Variants in KALRN observed in about 807,000 individuals in gnomAD.
The protein encoded by KALRN is kalirin RhoGEF kinase.
KALRN carries 70 observed loss-of-function variants against 353.7 expected under a neutral mutation model. That is an observed-to-expected ratio of 0.20 (90% CI 0.16 to 0.24). KALRN has a LOEUF of 0.24. Among genes scored for constraint, KALRN ranks in the 10% least tolerant of loss-of-function variants. The probability of loss-of-function intolerance (pLI) is 1.00; values close to 1 mark genes in which losing one functional copy is unlikely to be tolerated. For synonymous variants in KALRN, 1,391 were observed against 1,434.8 expected, an observed-to-expected ratio of 0.97 and a Z score of 0.69; for missense variants, 2,791 against 3,756.7, an observed-to-expected ratio of 0.74 and a Z score of 6.72.
At chr3:124,218,835 G>A (rs557163982) in intron 1 of KALRN, among the ~76,000 whole-genome samples, 31 of 152,286 alleles carry the variant, frequency 2.0e-4, no homozygotes, top group Middle Eastern at 6.8e-3. Flanking sequence ...TTAGAGAGGC[G>A]TTACCCATAT....
chr3:124,353,229 T>G lies in KALRN; in HGVS notation c.1770+5964T>G, dbSNP rs2149607944. 2.0e-5 allele frequency among the ~76,000 whole-genome samples: 3 copies of G among 152,210 alleles called. No homozygotes were observed. The South Asian group carries it at 6.2e-4, about 32-fold the overall frequency. On this transcript the variant is annotated intron_variant, in intron 10 of 59. Coordinates refer to ENST00000682506, the MANE Select transcript of KALRN (RefSeq NM_001388419.1). ...ATAGAAGGAAGGCATTTTAGTGGAT[T>G]TATCAGTGACCTTGCCCACCGAAGA...
intron 43 of KALRN, among the ~76,000 whole-genome samples, chr3:124,659,762 A>G (rs2084581062): frequency 6.6e-6 from 1 of 152,070 alleles, no homozygotes; most frequent in Non-Finnish European, 1.5e-5. Context: ...TTAAAAAATA[A>G]GAAGAATATG....
chr3:124,192,629 C>T (rs2075046180), intron 1 of KALRN, among the ~76,000 whole-genome samples: 1 of 152,102 alleles, frequency 6.6e-6, no homozygotes, highest in South Asian at 2.1e-4. Flanking sequence ...AAACATCTCA[C>T]ATACCCTGTA....
intron 33 of KALRN, among the ~76,000 whole-genome samples, chr3:124,542,276 G>A (rs978937549): frequency 6.6e-6 from 1 of 152,134 alleles, no homozygotes; most frequent in African/African-American, 2.4e-5. Flanking sequence ...AAGAGTTTGT[G>A]GTTCAGTTTT....
intron 11 of KALRN, among the ~76,000 whole-genome samples, chr3:124,386,363 T>C (rs1196413958): frequency 6.6e-6 from 1 of 152,148 alleles, no homozygotes; most frequent in Admixed American, 6.5e-5. Context: ...GAATGGAGTA[T>C]GAATGAACAG....
Position 124,671,692 on chromosome 3 carries a change from G to T in KALRN, c.6736G>T (p.Glu2246Ter). 1.2e-6 allele frequency: 2 copies of T among 1,614,120 alleles called. No individual in the cohort carries two copies. The highest frequency in any genetic ancestry group is 1.7e-6 in the Non-Finnish European group (2 of 1,179,986). ...LQSPIEYQRK[E>*]RSTAVMRSQP... Reference sequence around the variant, plus strand: ...ATCGCCCATTGAGTATCAACGGAAAGAAAGGAGCACAGCTGTGATGAGGTC... The same window carrying T: ...ATCGCCCATTGAGTATCAACGGAAATAAAGGAGCACAGCTGTGATGAGGTC... The change falls in exon 48 of 60, where the codon GAA becomes TAA. Residue 2246 changes from glutamate to a stop codon, truncating the protein, a stop_gained. Transcript: ENST00000682506. LOFTEE classifies it high-confidence loss of function.
chr3:124,576,663 C>T (rs1039462278), intron 34 of KALRN, among the ~76,000 whole-genome samples: 2 of 152,174 alleles, frequency 1.3e-5, no homozygotes, highest in East Asian at 1.9e-4. Context: ...AATAAACTCA[C>T]CTGAGTTACA....
chr3:124,507,105 G>C (rs770045190), intron 33 of KALRN, among the ~76,000 whole-genome samples: 1 of 152,082 alleles, frequency 6.6e-6, no homozygotes, highest in Non-Finnish European at 1.5e-5. Flanking sequence ...AATTCTTCTT[G>C]AAAAAGGATT....
At chr3:124,431,329 C>T (rs2093266456) in intron 16 of KALRN, among the ~76,000 whole-genome samples, 1 of 152,196 alleles carries the variant, frequency 6.6e-6, no homozygotes, top group Admixed American at 6.5e-5. Flanking sequence ...GCTGGTAGAA[C>T]AGTATTTAAA....
At chr3:124,298,533 T>C (rs1267748537) in intron 5 of KALRN, among the ~76,000 whole-genome samples, 1 of 152,102 alleles carries the variant, frequency 6.6e-6, no homozygotes, top group Admixed American at 6.5e-5. Flanking sequence ...CTCCCAATTA[T>C]CTCACTCATT....
intron 47 of KALRN, 66 bp from the exon 48 acceptor site, chr3:124,671,594 T>C: frequency 8.8e-7 from 1 of 1,134,822 alleles, no homozygotes; most frequent in Non-Finnish European, 1.3e-6. Context: ...GCCTTGGACC[T>C]AAGAGGCCTC....
At chr3:124,247,590 C>T (rs1460975221) in intron 3 of KALRN, among the ~76,000 whole-genome samples, 1 of 152,120 alleles carries the variant, frequency 6.6e-6, no homozygotes, top group Non-Finnish European at 1.5e-5. Flanking sequence ...TTGGTTTTGC[C>T]TTCATCTTTG....
intron 33 of KALRN, among the ~76,000 whole-genome samples, chr3:124,559,316 A>G (rs2071654326): frequency 6.6e-6 from 1 of 152,144 alleles, no homozygotes; most frequent in Admixed American, 6.5e-5. Context: ...GAAAGGAGAG[A>G]GACTGGGAAA....
intron 25 of KALRN, among the ~76,000 whole-genome samples, chr3:124,467,583 C>A (rs887664557): frequency 6.6e-6 from 1 of 152,072 alleles, no homozygotes; most frequent in African/African-American, 2.4e-5. Context: ...AAAGGCCCTG[C>A]AAGGGAGAAA....
At chr3:124,428,969 G>A (rs990189276) in intron 15 of KALRN, among the ~76,000 whole-genome samples, 5 of 152,302 alleles carry the variant, frequency 3.3e-5, no homozygotes, top group African/African-American at 9.6e-5. Context: ...CAAACAAAAT[G>A]CAGTGAATCA....
At chr3:124,594,249 CAG>C (rs1162627766) in intron 34 of KALRN, among the ~76,000 whole-genome samples, 1 of 152,132 alleles carries the variant, frequency 6.6e-6, no homozygotes, top group Non-Finnish European at 1.5e-5. Flanking sequence ...TTTTTGGAGA[CAG>C]AGTCTCGCTC....
intron 33 of KALRN, among the ~76,000 whole-genome samples, chr3:124,517,822 C>T (rs562840160): frequency 2.3e-4 from 35 of 152,270 alleles, no homozygotes; most frequent in East Asian, 5.8e-4. Flanking sequence ...TTACTGTCAA[C>T]GATGTACTAT....
At chr3:124,331,875 A>T (rs191170839) in intron 8 of KALRN, among the ~76,000 whole-genome samples, 2 of 152,254 alleles carry the variant, frequency 1.3e-5, no homozygotes, top group African/African-American at 4.8e-5. Flanking sequence ...CTTCCTACAG[A>T]TGTAGAGACT....
intron 33 of KALRN, among the ~76,000 whole-genome samples, chr3:124,524,846 T>C (rs994334713): frequency 9.2e-5 from 14 of 152,178 alleles, no homozygotes; most frequent in African/African-American, 3.1e-4. Flanking sequence ...AAAAGTGCAG[T>C]CAGAGTTAAA....
Sources: allele counts gnomAD v4.1 joint callset (sites outside exome capture counted in the v4.1 genomes callset), GRCh38; gene constraint gnomAD v4.1.1; transcripts MANE v1.5; gene names NCBI Gene and HGNC (gene_info 2026-07-23, HGNC 2026-07-21).